Variants in HERC6 observed in about 807,000 individuals in gnomAD.
HERC6 encodes the protein HECT and RLD domain containing E3 ubiquitin protein ligase family member 6.
Under a neutral mutation model 114.5 loss-of-function variants are expected in HERC6, and 101 were observed. That is an observed-to-expected ratio of 0.88 (90% CI 0.75 to 1.04). The LOEUF (loss-of-function observed/expected upper bound fraction) is 1.04. HERC6 is among the 50% of genes least tolerant of loss of function. The probability of loss-of-function intolerance (pLI) is 0.00; values close to 1 mark genes in which losing one functional copy is unlikely to be tolerated. For synonymous variants in HERC6, 408 were observed against 436.2 expected (o/e 0.94, Z 0.81); for missense variants, 1,133 against 1,230.9 (o/e 0.92, Z 1.19).
chr4:88,436,291 T>A (rs887175227), intron 18 of HERC6, among the ~76,000 whole-genome samples: 6 of 152,172 alleles, frequency 3.9e-5, no homozygotes, highest in Non-Finnish European at 8.8e-5. Flanking sequence ...ATTGAGGGAA[T>A]AAATAAAAAT....
At chr4:88,411,595 T>C (rs1201360300) in intron 11 of HERC6, among the ~76,000 whole-genome samples, 1 of 152,194 alleles carries the variant, frequency 6.6e-6, no homozygotes, top group Non-Finnish European at 1.5e-5. Context: ...GCAAACACTG[T>C]AATTACAGAA....
intron 18 of HERC6, among the ~76,000 whole-genome samples, chr4:88,436,335 T>C (rs1157111731): frequency 6.6e-6 from 1 of 152,204 alleles, no homozygotes; most frequent in Non-Finnish European, 1.5e-5. Context: ...GATTGACACT[T>C]GTTAAAAAGT....
At chr4:88,383,729 A>T (rs1206499790) in intron 2 of HERC6, among the ~76,000 whole-genome samples, 1 of 126,360 alleles carries the variant, frequency 7.9e-6, no homozygotes, top group Non-Finnish European at 1.6e-5. Flanking sequence ...GCGCCACTGC[A>T]CTCCAGCCTG....
intron 19 of HERC6, 72 bp from the exon 20 acceptor site, chr4:88,437,639 T>C: frequency 1.1e-6 from 1 of 915,392 alleles, no homozygotes; most frequent in Non-Finnish European, 1.7e-6. Context: ...GTATTGGCAA[T>C]AAAGATATTA....
At chr4:88,436,879 AT>A in intron 18 of HERC6, 25 bp from the exon 19 acceptor site, 1 of 1,554,946 alleles carries the variant, frequency 6.4e-7, no homozygotes, top group Non-Finnish European at 8.8e-7. Flanking sequence ...AATAAATATA[AT>A]TTTTAAAACC....
intron 17 of HERC6, among the ~76,000 whole-genome samples, chr4:88,432,535 C>G (rs571214314): frequency 6.6e-6 from 1 of 152,030 alleles, no homozygotes; most frequent in Non-Finnish European, 1.5e-5. Flanking sequence ...GCCTGGCCAG[C>G]CTGGCCAACC....
intron 20 of HERC6, 124 bp downstream of exon 20, chr4:88,437,905 G>A (rs979357721): frequency 4.3e-6 from 3 of 704,374 alleles, no homozygotes; most frequent in Admixed American, 5.3e-5. Context: ...TTGGGAGGCT[G>A]AGGTGGGTGG....
At chr4:88,441,333 C>G (rs769501911) in intron 22 of HERC6, among the ~76,000 whole-genome samples, 1 of 152,198 alleles carries the variant, frequency 6.6e-6, no homozygotes, top group African/African-American at 2.4e-5. Flanking sequence ...TGCTTTGTAT[C>G]TATTACCTAC....
chr4:88,404,295 C>T (rs185026181), intron 8 of HERC6, among the ~76,000 whole-genome samples: 2 of 151,772 alleles, frequency 1.3e-5, no homozygotes, highest in African/African-American at 4.8e-5. Context: ...CAGGCTCAAG[C>T]CCCTGCCTCA....
At chr4:88,394,544 A>ATTG (rs1333275170) in intron 5 of HERC6, among the ~76,000 whole-genome samples, 2 of 147,100 alleles carry the variant, frequency 1.4e-5, no homozygotes, top group African/African-American at 5.0e-5. Context: ...TATTATTATT[A>ATTG]TTATTATTAT....
chr4:88,439,388 A>AGG (rs1481204556), intron 20 of HERC6, among the ~76,000 whole-genome samples: 1 of 151,758 alleles, frequency 6.6e-6, no homozygotes, highest in African/African-American at 2.4e-5. Flanking sequence ...GAAAGAAGAA[A>AGG]GAAAGAAAAG....
At chr4:88,430,942 G>A (rs1319384235) in intron 16 of HERC6, among the ~76,000 whole-genome samples, 2 of 152,158 alleles carry the variant, frequency 1.3e-5, no homozygotes, top group Non-Finnish European at 2.9e-5. Context: ...GGTCCATGTA[G>A]CAGTGTAAAG....
In HERC6 at chr4:88,405,614, G is replaced by A; in HGVS notation, c.1274+1G>A. Reference sequence around the variant, plus strand: ...TGACTGCAAGTTTTTTAAAGAAAAGGTAATACTTACATAAGATTTACCTTC... The same window carrying A: ...TGACTGCAAGTTTTTTAAAGAAAAGATAATACTTACATAAGATTTACCTTC... On this transcript the variant is annotated splice_donor_variant, in intron 10 of 22. Coordinates refer to ENST00000264346, the MANE Select transcript of HERC6 (RefSeq NM_017912.4). LOFTEE classifies it high-confidence loss of function. 1 of 1,463,688 alleles carries A rather than the reference G, an allele frequency of 6.8e-7. No homozygotes were observed. Among genetic ancestry groups the A allele is most frequent in the Non-Finnish European group, 9.4e-7 (1 of 1,066,878 alleles). 90.7% of individuals were successfully genotyped at this position (1,463,688 alleles called of 1,614,324 possible).
chr4:88,439,861 T>TTTTTTC lies in HERC6; in HGVS notation c.2556-13_2556-12insTTTTTC. 1 of 1,187,286 alleles carries TTTTTTC rather than the reference T, an allele frequency of 8.4e-7. No individual in the cohort carries two copies. Among genetic ancestry groups the TTTTTTC allele is most frequent in the Non-Finnish European group, 1.1e-6 (1 of 923,118 alleles). The allele number at this position is 1,187,286 out of a possible 1,614,324, so 73.5% of individuals were successfully genotyped here. A position where few individuals can be genotyped will look rare whatever the true frequency, so the allele number is the denominator to read the frequency against. ...TCCTTTCTTTTTTTTTTTTTTTTTT[T>TTTTTTC]GCTTCCCTCAAGGAGAGACTATGTT... On this transcript the variant is annotated splice_polypyrimidine_tract_variant and intron_variant, in intron 20 of 22. Transcript: ENST00000264346.
chr4:88,402,062 T>C (rs12642398), intron 8 of HERC6, among the ~76,000 whole-genome samples: 55,868 of 151,964 alleles, frequency 0.37, 11,537 homozygotes, highest in East Asian at 0.68. Flanking sequence ...GTAAGGAGGA[T>C]GAAAGAGGGT....
chr4:88,406,254 G>GT (rs1232255971), intron 10 of HERC6, among the ~76,000 whole-genome samples: 1 of 152,218 alleles, frequency 6.6e-6, no homozygotes, highest in Non-Finnish European at 1.5e-5. Flanking sequence ...TGCAGCTAGT[G>GT]TAACTCATAT....
intron 4 of HERC6, 50 bp downstream of exon 4, chr4:88,390,929 G>A (rs1734888056): frequency 1.3e-6 from 2 of 1,492,786 alleles, no homozygotes; most frequent in South Asian, 1.3e-5. Context: ...CTTTCCAGGT[G>A]GAAGACCAAC....
At chr4:88,435,097 C>G (rs773705972) in intron 17 of HERC6, among the ~76,000 whole-genome samples, 30 of 152,200 alleles carry the variant, frequency 2.0e-4, no homozygotes, top group Non-Finnish European at 2.5e-4. Flanking sequence ...TGTTGATCTA[C>G]TGTGCTGCAA....
chr4:88,394,296 A>C (rs1735091531), intron 5 of HERC6, among the ~76,000 whole-genome samples: 1 of 151,742 alleles, frequency 6.6e-6, no homozygotes, highest in Non-Finnish European at 1.5e-5. Flanking sequence ...AACATAGTGA[A>C]ATCCCATCTC....
Sources: gnomAD v4.1 joint callset for allele counts (sites outside exome capture counted in the v4.1 genomes callset) on GRCh38, gnomAD v4.1.1 for gene constraint, MANE v1.5 for transcripts, NCBI Gene and HGNC (gene_info 2026-07-23, HGNC 2026-07-21) for gene names.